Variants in SGCZ observed in about 807,000 individuals in gnomAD.
SGCZ encodes zeta-sarcoglycan.
In SGCZ, 40 loss-of-function variants were observed where a neutral mutation model predicts 41.3. That is an observed-to-expected ratio of 0.97 (90% CI 0.75 to 1.26). The LOEUF (loss-of-function observed/expected upper bound fraction) is 1.26, where lower values mean the gene tolerates loss of function less well. SGCZ is among the 50% of genes most tolerant of loss of function. The pLI, the probability that SGCZ is intolerant of heterozygous loss-of-function variation, is 0.00. For synonymous variants in SGCZ, 206 were observed against 137.5 expected (o/e 1.50, Z -3.49); for missense variants, 552 against 369.8 (o/e 1.49, Z -4.04).
intron 2 of SGCZ, among the ~76,000 whole-genome samples, chr8:14,463,698 T>C (rs776640012): frequency 2.6e-5 from 4 of 151,752 alleles, no homozygotes; most frequent in Admixed American, 6.6e-5. Context: ...CAGGTCTTGT[T>C]CTTGACCTAA....
chr8:14,249,053 G>C (rs1187732855), intron 3 of SGCZ, among the ~76,000 whole-genome samples: 1 of 152,102 alleles, frequency 6.6e-6, no homozygotes, highest in Non-Finnish European at 1.5e-5. Flanking sequence ...CCAAATATTT[G>C]GTGAAACATT....
chr8:15,097,498 T>C (rs1302446072), intron 1 of SGCZ, among the ~76,000 whole-genome samples: 1 of 151,924 alleles, frequency 6.6e-6, no homozygotes, highest in Non-Finnish European at 1.5e-5. Context: ...CCTGTTGTCC[T>C]AGCACTTTGG....
intron 1 of SGCZ, among the ~76,000 whole-genome samples, chr8:15,129,878 C>T (rs1217757939): frequency 6.6e-6 from 1 of 152,006 alleles, no homozygotes; most frequent in Non-Finnish European, 1.5e-5. Flanking sequence ...CAGACAGTCA[C>T]CACCACCGAC....
chr8:14,771,939 T>C (rs1800254101), intron 1 of SGCZ, among the ~76,000 whole-genome samples: 1 of 152,196 alleles, frequency 6.6e-6, no homozygotes. Flanking sequence ...TTATATATGA[T>C]ATCTATTTGA....
At chr8:15,003,191 A>G (rs909599889) in intron 1 of SGCZ, among the ~76,000 whole-genome samples, 2 of 152,182 alleles carry the variant, frequency 1.3e-5, no homozygotes, top group African/African-American at 4.8e-5. Context: ...TTTAGCCAGA[A>G]ATAAAATTTA....
intron 1 of SGCZ, among the ~76,000 whole-genome samples, chr8:14,944,030 C>A (rs1041901746): frequency 2.6e-5 from 4 of 151,996 alleles, no homozygotes; most frequent in African/African-American, 9.7e-5. Context: ...TAGGTGAATT[C>A]CATGTATTTG....
intron 1 of SGCZ, among the ~76,000 whole-genome samples, chr8:15,120,727 A>T (rs543424183): frequency 1.7e-4 from 26 of 152,154 alleles, no homozygotes; most frequent in Non-Finnish European, 2.9e-4. Flanking sequence ...CAAAGCTATT[A>T]TCTCTTTTAT....
intron 4 of SGCZ, among the ~76,000 whole-genome samples, chr8:14,172,393 C>T (rs1051466742): frequency 1.3e-5 from 2 of 152,090 alleles, no homozygotes; most frequent in Non-Finnish European, 2.9e-5. Flanking sequence ...ATTTCATTAG[C>T]AAATGAAAAT....
intron 5 of SGCZ, among the ~76,000 whole-genome samples, chr8:14,137,701 T>A (rs1259259431): frequency 1.3e-5 from 2 of 152,236 alleles, no homozygotes; most frequent in Admixed American, 1.3e-4. Context: ...AATCTACGTC[T>A]GATTGGTGTA....
At chr8:15,231,573 CTT>C (rs756325206) in intron 1 of SGCZ, among the ~76,000 whole-genome samples, 2 of 130,124 alleles carry the variant, frequency 1.5e-5, no homozygotes, top group African/African-American at 2.9e-5. Context: ...AAAGAAGAGA[CTT>C]TGAGTAAAAT....
intron 1 of SGCZ, among the ~76,000 whole-genome samples, chr8:14,856,837 A>T (rs958045135): frequency 6.6e-6 from 1 of 152,114 alleles, no homozygotes; most frequent in African/African-American, 2.4e-5. Context: ...TTAAAAGCAA[A>T]CCATACCTCA....
intron 1 of SGCZ, among the ~76,000 whole-genome samples, chr8:14,774,282 A>G (rs929606458): frequency 6.6e-6 from 1 of 152,114 alleles, no homozygotes; most frequent in African/African-American, 2.4e-5. Context: ...CAATCCACCT[A>G]CAGATTTTGG....
intron 1 of SGCZ, among the ~76,000 whole-genome samples, chr8:14,833,714 G>A (rs2130608058): frequency 6.6e-6 from 1 of 152,248 alleles, no homozygotes; most frequent in Non-Finnish European, 1.5e-5. Flanking sequence ...ATAGGAAGAA[G>A]CAGCATAGTT....
intron 1 of SGCZ, among the ~76,000 whole-genome samples, chr8:15,053,375 T>TTAGTTTCCTCTCCTCTTCCG (rs1804588423): frequency 1.3e-5 from 2 of 152,190 alleles, no homozygotes; most frequent in Non-Finnish European, 2.9e-5. Context: ...TCTGCCTGAC[T>TTAGTTTCCTCTCCTCTTCCG]TAGTTTCCTC....
intron 5 of SGCZ, among the ~76,000 whole-genome samples, chr8:14,147,164 A>G (rs955094952): frequency 6.6e-6 from 1 of 152,122 alleles, no homozygotes; most frequent in African/African-American, 2.4e-5. Flanking sequence ...CACTGGAGAA[A>G]ATCACCTTCA....
intron 1 of SGCZ, among the ~76,000 whole-genome samples, chr8:15,214,936 G>T (rs1012301586): frequency 6.6e-6 from 1 of 152,168 alleles, no homozygotes; most frequent in Admixed American, 6.5e-5. Flanking sequence ...AGACTGTGAT[G>T]AAAACTAGTG....
At chr8:15,188,813 G>A (rs912059507) in intron 1 of SGCZ, among the ~76,000 whole-genome samples, 4 of 151,972 alleles carry the variant, frequency 2.6e-5, no homozygotes, top group Admixed American at 6.6e-5. Flanking sequence ...ATGTTGATTT[G>A]AGAATAAGAA....
At chr8:14,350,454 T>G (rs1260360658) in intron 2 of SGCZ, among the ~76,000 whole-genome samples, 1 of 152,156 alleles carries the variant, frequency 6.6e-6, no homozygotes, top group East Asian at 1.9e-4. Context: ...AAGCATTCAT[T>G]TCCCATGCTA....
intron 2 of SGCZ, among the ~76,000 whole-genome samples, chr8:14,342,869 A>T (rs556048296): frequency 1.3e-5 from 2 of 152,248 alleles, no homozygotes; most frequent in South Asian, 4.1e-4. Flanking sequence ...AGCGACCTTC[A>T]CCGAAGGCCC....
Sources: gnomAD v4.1 joint callset for allele counts (sites outside exome capture counted in the v4.1 genomes callset) on GRCh38, gnomAD v4.1.1 for gene constraint, MANE v1.5 for transcripts, NCBI Gene and HGNC (gene_info 2026-07-23, HGNC 2026-07-21) for gene names.